Variants in WWOX observed in about 807,000 individuals in gnomAD.
The protein encoded by WWOX is WW domain-containing oxidoreductase.
Under a neutral mutation model 46.2 loss-of-function variants are expected in WWOX, and 69 were observed. The ratio of observed to expected loss-of-function variants is 1.49; its 90% CI spans 1.23 to 1.82. The LOEUF (loss-of-function observed/expected upper bound fraction) is 1.82, where lower values mean the gene tolerates loss of function less well. Among genes scored for constraint, WWOX ranks in the 40% most tolerant of loss-of-function variants. WWOX has a pLI of 0.00. For synonymous variants in WWOX, 359 were observed against 202.6 expected (o/e 1.77, Z -6.56); for missense variants, 919 against 542.6 (o/e 1.69, Z -6.89).
At chr16:78,418,839 A>C (rs2082859861) in intron 6 of WWOX, among the ~76,000 whole-genome samples, 1 of 152,182 alleles carries the variant, frequency 6.6e-6, no homozygotes, top group Non-Finnish European at 1.5e-5. Context: ...ATGACATCAT[A>C]ATTAATGCTG....
chr16:79,008,253 C>T (rs893423858), intron 8 of WWOX, among the ~76,000 whole-genome samples: 2 of 152,222 alleles, frequency 1.3e-5, no homozygotes, highest in African/African-American at 4.8e-5. Flanking sequence ...CTGTTGGCTT[C>T]TTCAAGACTG....
At position 78,338,881 on chromosome 16, in the gene WWOX, A is replaced by C. The variant is rs1385064403; in HGVS notation, c.517-47979A>C. 1.7e-5 allele frequency among the ~76,000 whole-genome samples: 2 copies of C among 120,574 alleles called. 1 individual carries two copies. Among genetic ancestry groups the C allele is most frequent in the Non-Finnish European group, 4.0e-5 (2 of 50,464 alleles). The allele number at this position is 120,574 out of a possible 152,430, so 79.1% of individuals were successfully genotyped here. On this transcript the variant is annotated intron_variant, in intron 5 of 8. Transcript: ENST00000566780. ...TAAAGTTAGTCAGGTATGTCTATTA[A>C]ATTTTTACGTAAAAAGTTAAAGCAG...
intron 8 of WWOX, among the ~76,000 whole-genome samples, chr16:78,455,132 G>A (rs889411369): frequency 2.0e-5 from 3 of 152,188 alleles, no homozygotes; most frequent in Admixed American, 2.0e-4. Flanking sequence ...CTGTCTTGAG[G>A]ATAGATAGAA....
rs566524545 is a variant in WWOX, at chr16:78,318,716, T to A, written c.517-68144T>A. Among the ~76,000 whole-genome samples, 147 of 152,314 alleles carry A rather than the reference T, an allele frequency of 9.7e-4. 2 individuals carry two copies. The highest frequency in any genetic ancestry group is 3.4e-3 in the African/African-American group (141 of 41,578). ...ACTGTACATACATAATTTCTGTAAG[T>A]ACTGGCTATTTTAAAAATTATTTTA... On this transcript the variant is annotated intron_variant, in intron 5 of 8. Coordinates refer to ENST00000566780, the MANE Select transcript of WWOX (RefSeq NM_016373.4).
At chr16:78,819,253 C>G (rs1221705093) in intron 8 of WWOX, among the ~76,000 whole-genome samples, 1 of 152,160 alleles carries the variant, frequency 6.6e-6, no homozygotes, top group Admixed American at 6.5e-5. Flanking sequence ...AGTGAGGCAG[C>G]AGGTGGGACT....
intron 8 of WWOX, among the ~76,000 whole-genome samples, chr16:78,860,367 C>G (rs1436321614): frequency 2.6e-5 from 4 of 152,178 alleles, no homozygotes; most frequent in African/African-American, 9.7e-5. Flanking sequence ...AACGTCTGTT[C>G]TGAGCACCTC....
At chr16:79,153,170 C>G (rs1361018768) in intron 8 of WWOX, among the ~76,000 whole-genome samples, 1 of 152,136 alleles carries the variant, frequency 6.6e-6, no homozygotes, top group Non-Finnish European at 1.5e-5. Flanking sequence ...TGAGAGGCAG[C>G]TTTATCATCT....
intron 5 of WWOX, among the ~76,000 whole-genome samples, chr16:78,269,569 G>C (rs562511628): frequency 2.0e-5 from 3 of 152,124 alleles, no homozygotes. Context: ...TCAGCAGTCC[G>C]GCATTGCCAT....
intron 8 of WWOX, among the ~76,000 whole-genome samples, chr16:78,803,632 T>C (rs2050953323): frequency 6.6e-6 from 1 of 152,030 alleles, no homozygotes; most frequent in Non-Finnish European, 1.5e-5. Flanking sequence ...ACTTTAATTT[T>C]TATTTTTGTA....
At chr16:78,427,244 A>G (rs1032784328) in intron 7 of WWOX, among the ~76,000 whole-genome samples, 3 of 152,228 alleles carry the variant, frequency 2.0e-5, no homozygotes, top group Admixed American at 6.5e-5. Context: ...CTATGTTTGC[A>G]GAAAATATTA....
intron 8 of WWOX, among the ~76,000 whole-genome samples, chr16:79,024,597 C>A (rs1000091570): frequency 6.6e-6 from 1 of 152,078 alleles, no homozygotes; most frequent in Non-Finnish European, 1.5e-5. Context: ...CCATGCCTGG[C>A]TAATTTTTTG....
At chr16:79,206,134 A>C (rs1462073292) in intron 8 of WWOX, 1 of 152,176 alleles carries the variant, frequency 6.6e-6, no homozygotes, top group Non-Finnish European at 1.5e-5. Flanking sequence ...AATGGAAAAA[A>C]AAATCTCCTT....
intron 8 of WWOX, among the ~76,000 whole-genome samples, chr16:78,624,736 C>T (rs886546531): frequency 1.3e-5 from 2 of 152,172 alleles, no homozygotes; most frequent in African/African-American, 4.8e-5. Context: ...ATTTGGAATT[C>T]TCCAGCACCC....
intron 5 of WWOX, among the ~76,000 whole-genome samples, chr16:78,370,392 A>G (rs746800354): frequency 3.3e-5 from 5 of 152,188 alleles, no homozygotes; most frequent in African/African-American, 4.8e-5. Context: ...GCCATCATTA[A>G]TATTATTCAT....
At chr16:78,535,695 G>C (rs1043290881) in intron 8 of WWOX, 1 of 152,192 alleles carries the variant, frequency 6.6e-6, no homozygotes, top group Non-Finnish European at 1.5e-5. Context: ...CGTCTTCTTT[G>C]TTACAATGTA....
At chr16:78,641,910 G>A (rs1352020600) in intron 8 of WWOX, among the ~76,000 whole-genome samples, 1 of 152,180 alleles carries the variant, frequency 6.6e-6, no homozygotes, top group Non-Finnish European at 1.5e-5. Context: ...TAGAGGAGTG[G>A]CTTACCAAAT....
At chr16:78,705,491 A>G (rs1002334870) in intron 8 of WWOX, among the ~76,000 whole-genome samples, 25 of 152,182 alleles carry the variant, frequency 1.6e-4, no homozygotes, top group African/African-American at 5.8e-4. Context: ...TCAGTTGTCA[A>G]TCAAACCTCC....
intron 8 of WWOX, among the ~76,000 whole-genome samples, chr16:78,515,534 A>T (rs1187269899): frequency 1.3e-5 from 2 of 152,096 alleles, no homozygotes; most frequent in African/African-American, 2.4e-5. Flanking sequence ...GGTGACTTGC[A>T]TGTTGTCTAT....
chr16:78,174,605 T>C (rs2151746515), intron 5 of WWOX, among the ~76,000 whole-genome samples: 1 of 152,258 alleles, frequency 6.6e-6, no homozygotes, highest in East Asian at 1.9e-4. Flanking sequence ...AGCTGTAAAG[T>C]CTATGTCTTT....
Sources: gnomAD v4.1 joint callset for allele counts (sites outside exome capture counted in the v4.1 genomes callset) on GRCh38, gnomAD v4.1.1 for gene constraint, MANE v1.5 for transcripts, NCBI Gene and HGNC (gene_info 2026-07-23, HGNC 2026-07-21) for gene names.